RALYL: variants seen among roughly 807,000 people sequenced by gnomAD.
RALYL encodes RALY RNA binding protein like.
RALYL carries 29 observed loss-of-function variants against 35.1 expected under a neutral mutation model. The ratio of observed to expected loss-of-function variants is 0.83; its 90% CI spans 0.61 to 1.13. The LOEUF (loss-of-function observed/expected upper bound fraction) is 1.13, where lower values mean the gene tolerates loss of function less well. RALYL is among the 50% of genes most tolerant of loss of function. RALYL has a pLI of 0.00. For missense variants in RALYL, 359 were observed against 360.4 expected (o/e 1.00, Z 0.03); for synonymous variants, 120 against 127.6 (o/e 0.94, Z 0.40).
intron 8 of RALYL, among the ~76,000 whole-genome samples, chr8:84,907,310 TCACACACACACACACAC>T (rs1486281377): frequency 6.8e-6 from 1 of 148,042 alleles, no homozygotes; most frequent in African/African-American, 2.5e-5. Flanking sequence ...AGATATAGCG[TCACACACACACACACAC>T]ACACACACAC....
At chr8:84,689,022 A>G (rs1176831173) in intron 2 of RALYL, among the ~76,000 whole-genome samples, 2 of 152,006 alleles carry the variant, frequency 1.3e-5, no homozygotes, top group Non-Finnish European at 2.9e-5. Context: ...TAAGATATTA[A>G]CTCATACACT....
At chr8:84,509,561 C>T (rs2057438114) in intron 1 of RALYL, among the ~76,000 whole-genome samples, 1 of 152,046 alleles carries the variant, frequency 6.6e-6, no homozygotes, top group African/African-American at 2.4e-5. Flanking sequence ...CTGGATCGTG[C>T]CATTGGTGCT....
rs188704052 is a variant in RALYL at position 84,646,437 on chromosome 8, G to A, written c.256+116860G>A. ...AAAAAATTTCCAAATGCTCATTTGA[G>A]GATATTTAATTTAGTTTGGGGGATT... On this transcript the variant is annotated intron_variant, in intron 2 of 8. Transcript: ENST00000521268. Among the ~76,000 whole-genome samples, 134 of 152,054 alleles carry A rather than the reference G, an allele frequency of 8.8e-4. 1 individual carries two copies. Among genetic ancestry groups the A allele is most frequent in the Middle Eastern group, 3.4e-3 (1 of 294 alleles).
chr8:84,433,501 C>A (rs1318426863), intron 1 of RALYL, among the ~76,000 whole-genome samples: 1 of 152,022 alleles, frequency 6.6e-6, no homozygotes, highest in African/African-American at 2.4e-5. Context: ...TCCAAGAATT[C>A]CCACATGTTG....
At chr8:84,554,404 T>A (rs1443939728) in intron 2 of RALYL, among the ~76,000 whole-genome samples, 1 of 152,250 alleles carries the variant, frequency 6.6e-6, no homozygotes, top group Non-Finnish European at 1.5e-5. Context: ...TTGTCTAGTG[T>A]TTCTGTTATA....
At chr8:84,880,445 CT>C (rs1468020655) in intron 7 of RALYL, among the ~76,000 whole-genome samples, 1 of 151,926 alleles carries the variant, frequency 6.6e-6, no homozygotes, top group Non-Finnish European at 1.5e-5. Flanking sequence ...CCTCTGTACC[CT>C]ATCTCTGTCA....
chr8:84,859,518 G>A (rs1289300327), intron 5 of RALYL, among the ~76,000 whole-genome samples: 1 of 151,994 alleles, frequency 6.6e-6, no homozygotes. Context: ...CCATCAAAGT[G>A]GAAGAAAGAA....
At chr8:84,739,530 A>T (rs1244906894) in intron 2 of RALYL, among the ~76,000 whole-genome samples, 1 of 151,862 alleles carries the variant, frequency 6.6e-6, no homozygotes, top group Non-Finnish European at 1.5e-5. Context: ...TTGAGCAGGA[A>T]AGAGTGAAAA....
chr8:84,765,600 A>G (rs776708308), intron 2 of RALYL, among the ~76,000 whole-genome samples: 2 of 152,174 alleles, frequency 1.3e-5, no homozygotes, highest in African/African-American at 2.4e-5. Context: ...TCAACTAATA[A>G]TAACTACCAA....
At chr8:84,543,197 T>C (rs564786038) in intron 2 of RALYL, among the ~76,000 whole-genome samples, 7 of 152,112 alleles carry the variant, frequency 4.6e-5, no homozygotes, top group Admixed American at 2.6e-4. Flanking sequence ...AGAAGGTACA[T>C]GTCTGATTTT....
chr8:84,779,654 C>A (rs774622696), intron 3 of RALYL, among the ~76,000 whole-genome samples: 10 of 152,162 alleles, frequency 6.6e-5, no homozygotes, highest in Non-Finnish European at 1.2e-4. Context: ...TTACAGCCAC[C>A]ATTTTAAGAT....
intron 8 of RALYL, among the ~76,000 whole-genome samples, chr8:84,893,804 A>C (rs921677722): frequency 2.6e-5 from 4 of 152,222 alleles, no homozygotes; most frequent in East Asian, 1.9e-4. Context: ...ATTAAGGAGA[A>C]TTTGAGTTCT....
At chr8:84,623,996 A>G (rs1297326334) in intron 2 of RALYL, among the ~76,000 whole-genome samples, 1 of 152,170 alleles carries the variant, frequency 6.6e-6, no homozygotes, top group East Asian at 1.9e-4. Flanking sequence ...GTGTGAAATA[A>G]TCACTTGAAT....
At chr8:84,222,750 G>C (rs2131323514) in intron 1 of RALYL, among the ~76,000 whole-genome samples, 1 of 152,246 alleles carries the variant, frequency 6.6e-6, no homozygotes, top group South Asian at 2.1e-4. Flanking sequence ...GTGTACCATT[G>C]AGAACTAACC....
At chr8:84,444,052 G>A (rs1246882684) in intron 1 of RALYL, among the ~76,000 whole-genome samples, 1 of 152,104 alleles carries the variant, frequency 6.6e-6, no homozygotes, top group Admixed American at 6.6e-5. Flanking sequence ...AAACAGGCTG[G>A]GTTCAGTGGC....
At chr8:84,324,166 T>C (rs1845382314) in intron 1 of RALYL, among the ~76,000 whole-genome samples, 1 of 152,130 alleles carries the variant, frequency 6.6e-6, no homozygotes, top group Non-Finnish European at 1.5e-5. Context: ...CACTAATTGG[T>C]TTCAGAACGT....
At chr8:84,641,540 C>T (rs971028941) in intron 2 of RALYL, among the ~76,000 whole-genome samples, 2 of 151,746 alleles carry the variant, frequency 1.3e-5, no homozygotes, top group Admixed American at 6.6e-5. Context: ...AGTACACTTA[C>T]AAGTATTTAT....
intron 1 of RALYL, among the ~76,000 whole-genome samples, chr8:84,200,855 T>C (rs1002195064): frequency 5.3e-5 from 8 of 152,206 alleles, no homozygotes; most frequent in African/African-American, 1.7e-4. Context: ...CTTTTACTAG[T>C]TCACAAACTA....
intron 1 of RALYL, among the ~76,000 whole-genome samples, chr8:84,424,863 G>C (rs1163341189): frequency 6.6e-6 from 1 of 151,664 alleles, no homozygotes; most frequent in Non-Finnish European, 1.5e-5. Context: ...AGGCTGCTCG[G>C]GGGTCAGGGG....
Sources: allele counts gnomAD v4.1 joint callset (sites outside exome capture counted in the v4.1 genomes callset), GRCh38; gene constraint gnomAD v4.1.1; transcripts MANE v1.5; gene names NCBI Gene and HGNC (gene_info 2026-07-23, HGNC 2026-07-21).